The following NKAIN3 variants were observed in gnomAD, a reference collection of about 807,000 sequenced individuals.
NKAIN3 encodes the protein sodium/potassium-transporting ATPase subunit beta-1-interacting protein 3.
NKAIN3 carries 25 observed loss-of-function variants against 30.2 expected under a neutral mutation model. The observed-to-expected ratio is 0.83, with a 90% confidence interval of 0.60 to 1.16. NKAIN3 has a LOEUF of 1.16. Among genes scored for constraint, NKAIN3 ranks in the 50% most tolerant of loss-of-function variants. NKAIN3 has a pLI of 0.00. For synonymous variants in NKAIN3, 91 were observed against 89.6 expected (o/e 1.02, Z -0.09); for missense variants, 225 against 254.1 (o/e 0.89, Z 0.78).
At chr8:62,404,009 G>A (rs1803975092) in intron 1 of NKAIN3, among the ~76,000 whole-genome samples, 2 of 152,242 alleles carry the variant, frequency 1.3e-5, no homozygotes, top group Admixed American at 1.3e-4. Context: ...GCATGCCCTG[G>A]ATGTGAGACA....
chr8:62,376,106 G>C (rs1817074016), intron 1 of NKAIN3, among the ~76,000 whole-genome samples: 1 of 152,126 alleles, frequency 6.6e-6, no homozygotes, highest in South Asian at 2.1e-4. Context: ...TAGGAGTGAG[G>C]AGCACTACGC....
At chr8:62,800,746 G>C (rs1465006317) in intron 4 of NKAIN3, among the ~76,000 whole-genome samples, 2 of 152,168 alleles carry the variant, frequency 1.3e-5, no homozygotes, top group Non-Finnish European at 1.5e-5. Context: ...TCTCACTAGG[G>C]AGTGCCAGAC....
chr8:62,348,338 A>G (rs1040765968), intron 1 of NKAIN3, among the ~76,000 whole-genome samples: 4 of 152,308 alleles, frequency 2.6e-5, no homozygotes, highest in South Asian at 2.1e-4. Flanking sequence ...TAGATGACAT[A>G]ATTTTTTAGG....
intron 4 of NKAIN3, among the ~76,000 whole-genome samples, chr8:62,776,824 T>C (rs1239167764): frequency 6.6e-6 from 1 of 152,208 alleles, no homozygotes; most frequent in Non-Finnish European, 1.5e-5. Flanking sequence ...GATGATTACT[T>C]CTCACTCATT....
At chr8:62,347,216 C>T (rs1816031862) in intron 1 of NKAIN3, among the ~76,000 whole-genome samples, 2 of 152,080 alleles carry the variant, frequency 1.3e-5, no homozygotes, top group Admixed American at 6.6e-5. Context: ...CTTAAAATTA[C>T]ACTTCTATGA....
chr8:62,508,362 A>G (rs1251629454), intron 1 of NKAIN3, among the ~76,000 whole-genome samples: 1 of 151,866 alleles, frequency 6.6e-6, no homozygotes, highest in Non-Finnish European at 1.5e-5. Context: ...CTCCCCCTCC[A>G]CCTTGGACAT....
intron 1 of NKAIN3, among the ~76,000 whole-genome samples, chr8:62,468,075 T>C (rs1462327527): frequency 6.6e-6 from 1 of 152,208 alleles, no homozygotes; most frequent in African/African-American, 2.4e-5. Flanking sequence ...CCTTCATTTT[T>C]TTCTTACATA....
intron 4 of NKAIN3, among the ~76,000 whole-genome samples, chr8:62,806,023 G>A (rs183184331): frequency 3.3e-5 from 5 of 152,080 alleles, no homozygotes; most frequent in Admixed American, 6.6e-5. Flanking sequence ...AAAAGAAGTC[G>A]TTTATGCAGC....
At chr8:62,859,410 G>A (rs1443023197) in intron 4 of NKAIN3, among the ~76,000 whole-genome samples, 1 of 149,078 alleles carries the variant, frequency 6.7e-6, no homozygotes, top group Non-Finnish European at 1.5e-5. Context: ...CACAACCTTA[G>A]GCCAAGCTTG....
intron 1 of NKAIN3, among the ~76,000 whole-genome samples, chr8:62,548,106 C>T (rs989533905): frequency 8.5e-5 from 13 of 152,196 alleles, no homozygotes; most frequent in African/African-American, 2.7e-4. Context: ...AACCTGTCCA[C>T]TCTTATGCCC....
chr8:62,839,364 G>T (rs940631665), intron 4 of NKAIN3, among the ~76,000 whole-genome samples: 1 of 149,042 alleles, frequency 6.7e-6, no homozygotes, highest in Admixed American at 6.7e-5. Flanking sequence ...AATCACCTTT[G>T]TCTCTATCAA....
intron 1 of NKAIN3, among the ~76,000 whole-genome samples, chr8:62,398,804 A>G (rs573029821): frequency 6.6e-6 from 1 of 152,342 alleles, no homozygotes; most frequent in Admixed American, 6.5e-5. Context: ...AATATAAGAA[A>G]TTATAGGCCG....
intron 4 of NKAIN3, among the ~76,000 whole-genome samples, chr8:62,822,773 GA>G (rs1818888073): frequency 6.6e-6 from 1 of 152,138 alleles, no homozygotes; most frequent in African/African-American, 2.4e-5. Context: ...ATCACTTAAT[GA>G]CAAGGAAACA....
intron 1 of NKAIN3, among the ~76,000 whole-genome samples, chr8:62,318,412 A>C (rs1292145656): frequency 6.6e-6 from 1 of 152,214 alleles, no homozygotes; most frequent in African/African-American, 2.4e-5. Flanking sequence ...TTGCCCATTC[A>C]GTATGATATT....
chr8:62,992,168 C>T (rs572021443), intron 5 of NKAIN3, among the ~76,000 whole-genome samples: 1 of 152,060 alleles, frequency 6.6e-6, no homozygotes, highest in Admixed American at 6.5e-5. Context: ...CATGCACCAC[C>T]ACACCCAGCT....
intron 1 of NKAIN3, among the ~76,000 whole-genome samples, chr8:62,298,426 G>C: frequency 6.6e-6 from 1 of 151,966 alleles, no homozygotes. Context: ...AATTAAGACG[G>C]TAGGCCCCAG....
At chr8:62,459,822 A>G (rs1471709194) in intron 1 of NKAIN3, among the ~76,000 whole-genome samples, 1 of 152,172 alleles carries the variant, frequency 6.6e-6, no homozygotes, top group Non-Finnish European at 1.5e-5. Context: ...CAGAGAGAAT[A>G]CAGTAAGAAA....
At chr8:62,596,433 T>C (rs1340507342) in intron 3 of NKAIN3, among the ~76,000 whole-genome samples, 1 of 152,042 alleles carries the variant, frequency 6.6e-6, no homozygotes, top group Non-Finnish European at 1.5e-5. Context: ...CCTTTTTAGG[T>C]TTCTGTACAG....
At chr8:62,587,740 G>A (rs1047876686) in intron 2 of NKAIN3, among the ~76,000 whole-genome samples, 4 of 151,922 alleles carry the variant, frequency 2.6e-5, no homozygotes, top group Non-Finnish European at 4.4e-5. Context: ...ACAATACCAG[G>A]AACACAGAAA....
Sources: gnomAD v4.1 joint callset for allele counts (sites outside exome capture counted in the v4.1 genomes callset) on GRCh38, gnomAD v4.1.1 for gene constraint, MANE v1.5 for transcripts, NCBI Gene and HGNC (gene_info 2026-07-23, HGNC 2026-07-21) for gene names.